The following QRFP variants were observed in gnomAD, a reference collection of about 807,000 sequenced individuals.
The protein encoded by QRFP is orexigenic neuropeptide QRFP.
Under a neutral mutation model 9.1 loss-of-function variants are expected in QRFP, and 7 were observed. The observed-to-expected ratio is 0.77, with a 90% confidence interval of 0.44 to 1.45. QRFP has a LOEUF of 1.45. QRFP is among the 40% of genes most tolerant of loss of function. The pLI is 0.01. For synonymous variants in QRFP, 91 were observed against 80.2 expected (o/e 1.13, Z -0.72); for missense variants, 204 against 185.4 (o/e 1.10, Z -0.58).
Position 130,893,738 on chromosome 9 carries a change from A to T in QRFP, c.101T>A (p.Leu34His). 1 of 1,609,924 alleles carries T rather than the reference A, an allele frequency of 6.2e-7. No homozygotes were observed. Among genetic ancestry groups the T allele is most frequent in the Non-Finnish European group, 8.5e-7 (1 of 1,178,248 alleles). Residue 34 changes from leucine (L) to histidine (H), a missense_variant, in exon 3 of 3, where the codon CTC becomes CAC. Physicochemically the swap from Leu to His is moderately conservative, Grantham distance 99 (BLOSUM62 -3). Coordinates refer to ENST00000623824, the MANE Select transcript of QRFP (RefSeq NM_198180.3). Reference protein sequence around the residue: ...RREPTDAMGGLGAGERWADLA... With the variant: ...RREPTDAMGGHGAGERWADLA... Reference sequence around the variant, plus strand: ...GTCGGCCCAGCGTTCTCCAGCTCCGAGGCCACCCATGGCGTCTGTGGGCTC... The same window carrying T: ...GTCGGCCCAGCGTTCTCCAGCTCCGTGGCCACCCATGGCGTCTGTGGGCTC...
rs1371726592 is a variant in QRFP, at chr9:130,893,220, C to G, written c.*208G>C. ...GGGACGACCGAGGCTCCAAGACAGC[C>G]TCCTTTTTGACACTGCCTAGTTTTT... On this transcript the variant is annotated 3_prime_UTR_variant, in exon 3 of 3. Transcript: ENST00000623824. 3 of 480,254 alleles carry G rather than the reference C, an allele frequency of 6.2e-6. No individual in the cohort carries two copies. Among genetic ancestry groups the G allele is most frequent in the African/African-American group, 2.0e-5 (1 of 49,896 alleles). The allele number at this position is 480,254 out of a possible 1,614,324, so 29.7% of individuals were successfully genotyped here.
chr9:130,893,817 T>TC lies in QRFP; in HGVS notation c.21dup (p.Ile8AspfsTer89), dbSNP rs1355845620. 17 of 1,547,320 alleles carry TC rather than the reference T, an allele frequency of 1.1e-5. No individual in the cohort carries two copies. The highest frequency in any genetic ancestry group is 4.1e-5 in the Admixed American group (2 of 48,870). ...CCCAGCGGCAGGAAGAGGAAGTAGA[T>TC]CAGGGGGTAAGGCCTTACCATCTGA... On this transcript the variant is annotated frameshift_variant, in exon 3 of 3. Coordinates refer to ENST00000623824, the MANE Select transcript of QRFP (RefSeq NM_198180.3). LOFTEE classifies it high-confidence loss of function.
Position 130,893,608 on chromosome 9 carries a change from C to T in QRFP, c.231G>A (p.Ser77=), listed in dbSNP as rs375565472. 41 of 1,612,004 alleles carry T rather than the reference C, an allele frequency of 2.5e-5. No homozygotes were observed. Among genetic ancestry groups the T allele is most frequent in the African/African-American group, 2.5e-4 (19 of 74,916 alleles). The part of the protein sequence containing the change: ...LLVIARGLQT[S]GREHAGCRFR... ...ATCTGCAGCCAGCATGCTCTCTGCCCGATGTCTGCAGCCCCCTGGCTATGA... is the reference window on the plus strand; with the variant it reads ...ATCTGCAGCCAGCATGCTCTCTGCCTGATGTCTGCAGCCCCCTGGCTATGA... Residue 77 remains serine (S), a synonymous_variant, in exon 3 of 3, where the codon TCG becomes TCA. Coordinates refer to ENST00000623824, the MANE Select transcript of QRFP (RefSeq NM_198180.3).
In QRFP at chr9:130,893,862, G is replaced by A. The variant is rs1346678543; in HGVS notation, c.1-24C>T. 30 of 1,496,030 alleles carry A rather than the reference G, an allele frequency of 2.0e-5. No individual in the cohort carries two copies. In the East Asian group the frequency reaches 7.0e-4, roughly 35 times the overall value. The allele number at this position is 1,496,030 out of a possible 1,614,324, so 92.7% of individuals were successfully genotyped here. Reference sequence around the variant, plus strand: ...ATCTGACCCAGAGGAAAGAGAGGCAGAGTGACAGGCTGCACACGTGGCCAA... The same window carrying A: ...ATCTGACCCAGAGGAAAGAGAGGCAAAGTGACAGGCTGCACACGTGGCCAA... On this transcript the variant is annotated intron_variant, in intron 2 of 2. Transcript: ENST00000623824.
intron 2 of QRFP, 128 bp from the exon 3 acceptor site, chr9:130,893,966 C>T (rs962598739): frequency 2.5e-5 from 21 of 835,468 alleles, no homozygotes; most frequent in East Asian, 1.1e-4. Flanking sequence ...GCCCGGCTTC[C>T]GAGCAGTGCT....
Position 130,893,472 on chromosome 9 carries a change from T to G in QRFP, c.367A>C (p.Ser123Arg). 1 of 1,601,926 alleles carries G rather than the reference T, an allele frequency of 6.2e-7. No individual in the cohort carries two copies. The highest frequency in any genetic ancestry group is 2.2e-5 in the East Asian group (1 of 44,562). ...GNLAEELNGYSRKKGGFSFRF... is the reference protein window; with the variant it reads ...GNLAEELNGYRRKKGGFSFRF... ...AAGCTGAAGCCGCCTTTCTTCCTGCTGTAGCCATTGAGCTCCTCAGCCAGG... is the reference window on the plus strand; with the variant it reads ...AAGCTGAAGCCGCCTTTCTTCCTGCGGTAGCCATTGAGCTCCTCAGCCAGG... The change falls in exon 3 of 3, where the codon AGC (serine) becomes CGC (arginine). Residue 123 changes from serine to arginine, a missense_variant. Physicochemically the swap from Ser to Arg is moderately radical, Grantham distance 110. Transcript: ENST00000623824.
In QRFP at chr9:130,893,416, C is replaced by T. The variant is rs577317107; in HGVS notation, c.*12G>A. On this transcript the variant is annotated 3_prime_UTR_variant, in exon 3 of 3. Transcript: ENST00000623824. ...GTCCAAGAAGCAAATCCTTCCAAGG[C>T]GTCCTGGCCCTTCACCGCCGACCGA... is the stretch of plus-strand genomic sequence containing the variant. 47 of 1,553,454 alleles carry T rather than the reference C, an allele frequency of 3.0e-5. 1 individual carries two copies. The South Asian group carries it at 5.0e-4, about 17-fold the overall frequency.
Position 130,893,356 on chromosome 9 carries a change from G to A in QRFP, c.*72C>T. 2 of 1,448,826 alleles carry A rather than the reference G, an allele frequency of 1.4e-6. No homozygotes were observed. The highest frequency in any genetic ancestry group is 1.9e-6 in the Non-Finnish European group (2 of 1,074,892). 89.7% of individuals were successfully genotyped at this position (1,448,826 alleles called of 1,614,324 possible). A position where few individuals can be genotyped will look rare whatever the true frequency, so the allele number is the denominator to read the frequency against. ...TCTGGGTGTCGTGGTCTTTGAGACT[G>A]GGGGAGAAGGCAGGAGTGAAGACAA... On this transcript the variant is annotated 3_prime_UTR_variant, in exon 3 of 3. Coordinates refer to ENST00000623824, the MANE Select transcript of QRFP (RefSeq NM_198180.3).
chr9:130,896,112 C>T (rs73557843), intron 1 of QRFP, 131 bp from the exon 2 acceptor site: 13,057 of 152,204 alleles, frequency 0.086, 930 homozygotes, highest in African/African-American at 0.19. Flanking sequence ...CCTCACGCTC[C>T]GGAGAGGACA....
Position 130,893,203 on chromosome 9 carries a change from C to T in QRFP, c.*225G>A, listed in dbSNP as rs990832199. 9.4e-6 allele frequency: 4 copies of T among 424,094 alleles called. No homozygotes were observed. The highest frequency in any genetic ancestry group is 6.2e-5 in the African/African-American group (3 of 48,312). 26.3% of individuals were successfully genotyped at this position (424,094 alleles called of 1,614,324 possible). On this transcript the variant is annotated 3_prime_UTR_variant, in exon 3 of 3. Coordinates refer to ENST00000623824, the MANE Select transcript of QRFP (RefSeq NM_198180.3). ...AGGGGAAGAGAGAGGCTGGGACGAC[C>T]GAGGCTCCAAGACAGCCTCCTTTTT...
chr9:130,894,387 C>T (rs1831729898), intron 2 of QRFP, among the ~76,000 whole-genome samples: 1 of 152,162 alleles, frequency 6.6e-6, no homozygotes, highest in Non-Finnish European at 1.5e-5. Flanking sequence ...AGTGTGTGGA[C>T]ACCACTGGGG....
chr9:130,893,289 C>T lies in QRFP; in HGVS notation c.*139G>A, dbSNP rs79581727. 20 of 945,426 alleles carry T rather than the reference C, an allele frequency of 2.1e-5. No homozygotes were observed. In the African/African-American group the frequency reaches 3.2e-4, roughly 15 times the overall value. 58.6% of individuals were successfully genotyped at this position (945,426 alleles called of 1,614,324 possible). On this transcript the variant is annotated 3_prime_UTR_variant, in exon 3 of 3. Coordinates refer to ENST00000623824, the MANE Select transcript of QRFP (RefSeq NM_198180.3). ...AATCAAAAGTAAGCACACACCTAAC[C>T]TGTCCTACCATGGATCGTTCATCGT...
chr9:130,893,590 G>C lies in QRFP; in HGVS notation c.249C>G (p.Gly83=). 4 of 1,612,770 alleles carry C rather than the reference G, an allele frequency of 2.5e-6. No homozygotes were observed. The highest frequency in any genetic ancestry group is 3.4e-6 in the Non-Finnish European group (4 of 1,179,748). ...GLQTSGREHA[G]CRFRFGRQDE... Reference sequence around the variant, plus strand: ...CCTGCCTCCCGAAGCGGAATCTGCAGCCAGCATGCTCTCTGCCCGATGTCT... The same window carrying C: ...CCTGCCTCCCGAAGCGGAATCTGCACCCAGCATGCTCTCTGCCCGATGTCT... The change falls in exon 3 of 3, where the codon GGC becomes GGG. Residue 83 remains glycine (G), a synonymous_variant. Coordinates refer to ENST00000623824, the MANE Select transcript of QRFP (RefSeq NM_198180.3).
In QRFP at chr9:130,895,768, C is replaced by T. The variant is rs1831748532; in HGVS notation, c.-72G>A. 6.5e-6 allele frequency: 1 copy of T among 153,262 alleles called. No individual in the cohort carries two copies. The highest frequency in any genetic ancestry group is 1.5e-5 in the Non-Finnish European group (1 of 68,828). The allele number at this position is 153,262 out of a possible 1,614,324, so 9.5% of individuals were successfully genotyped here. Reference sequence around the variant, plus strand: ...GGCTCCGGGGCTGGGCTGGGCAGAGCTGCTCTGGGTCCTCGTCCAGGAGGC... The same window carrying T: ...GGCTCCGGGGCTGGGCTGGGCAGAGTTGCTCTGGGTCCTCGTCCAGGAGGC... On this transcript the variant is annotated 5_prime_UTR_variant, in exon 2 of 3. Coordinates refer to ENST00000623824, the MANE Select transcript of QRFP (RefSeq NM_198180.3).
In QRFP at chr9:130,893,390, A is replaced by G; in HGVS notation, c.*38T>C. The G allele has an allele frequency of 1.3e-6, 2 of 1,527,592 alleles. No homozygotes were observed. Among genetic ancestry groups the G allele is most frequent in the Non-Finnish European group, 1.8e-6 (2 of 1,134,722 alleles). The allele number at this position is 1,527,592 out of a possible 1,614,324, so 94.6% of individuals were successfully genotyped here. ...GGCAGGAGTGAAGACAATGGGGGTG[A>G]GTCCAAGAAGCAAATCCTTCCAAGG... On this transcript the variant is annotated 3_prime_UTR_variant, in exon 3 of 3. Transcript: ENST00000623824.
Position 130,892,936 on chromosome 9 carries a change from G to GA in QRFP, c.*491dup, listed in dbSNP as rs1474389229. 6.6e-6 allele frequency: 1 copy of GA among 152,494 alleles called. No individual in the cohort carries two copies. The highest frequency in any genetic ancestry group is 1.5e-5 in the Non-Finnish European group (1 of 68,246). 9.4% of individuals were successfully genotyped at this position (152,494 alleles called of 1,614,324 possible). A position where few individuals can be genotyped will look rare whatever the true frequency, so the allele number is the denominator to read the frequency against. ...GGGGATCTTGTGCTCATGGCATGGA[G>GA]AAGGGGATCGGGTTCTTTTTTCCCA... is the stretch of plus-strand genomic sequence containing the variant. On this transcript the variant is annotated 3_prime_UTR_variant, in exon 3 of 3. Coordinates refer to ENST00000623824, the MANE Select transcript of QRFP (RefSeq NM_198180.3).
intron 2 of QRFP, 74 bp from the exon 3 acceptor site, chr9:130,893,912 C>T (rs899922327): frequency 1.6e-5 from 23 of 1,410,568 alleles, no homozygotes; most frequent in South Asian, 6.4e-5. Context: ...AATGTTTCCC[C>T]GGGACAGGCT....
At position 130,893,755 on chromosome 9, in the gene QRFP, T is replaced by C. The variant is rs776098840; in HGVS notation, c.84A>G (p.Thr28=). 16 of 1,607,886 alleles carry C rather than the reference T, an allele frequency of 1.0e-5. No individual in the cohort carries two copies. In the South Asian group the frequency reaches 1.5e-4, roughly 16 times the overall value. The change falls in exon 3 of 3, where the codon ACA becomes ACG. Residue 28 remains threonine (T), a synonymous_variant. Transcript: ENST00000623824. ...CAGCTCCGAGGCCACCCATGGCGTC[T>C]GTGGGCTCTCTTCTGTCCAGTAGAG... is the stretch of plus-strand genomic sequence containing the variant. The part of the protein sequence containing the change: ...CFPLLDRREP[T]DAMGGLGAGE...
chr9:130,893,365 G>A lies in QRFP; in HGVS notation c.*63C>T, dbSNP rs1831710804. ...CGTGGTCTTTGAGACTGGGGGAGAA[G>A]GCAGGAGTGAAGACAATGGGGGTGA... On this transcript the variant is annotated 3_prime_UTR_variant, in exon 3 of 3. Coordinates refer to ENST00000623824, the MANE Select transcript of QRFP (RefSeq NM_198180.3). 2 of 1,482,088 alleles carry A rather than the reference G, an allele frequency of 1.3e-6. No individual in the cohort carries two copies. The highest frequency in any genetic ancestry group is 2.8e-5 in the African/African-American group (2 of 71,140). 91.8% of individuals were successfully genotyped at this position (1,482,088 alleles called of 1,614,324 possible).
Sources: gnomAD v4.1 joint callset for allele counts (sites outside exome capture counted in the v4.1 genomes callset) on GRCh38, gnomAD v4.1.1 for gene constraint, MANE v1.5 for transcripts, NCBI Gene and HGNC (gene_info 2026-07-23, HGNC 2026-07-21) for gene names.